The following NMBR variants were observed in gnomAD, a reference collection of about 807,000 sequenced individuals.
NMBR encodes neuromedin-B receptor.
A neutral mutation model predicts 20.5 loss-of-function variants in NMBR; 16 were observed. The observed-to-expected ratio is 0.78, with a 90% confidence interval of 0.53 to 1.19. The LOEUF is 1.19. NMBR is among the 50% of genes most tolerant of loss of function. The pLI is 0.00. For synonymous variants in NMBR, 212 were observed against 196.6 expected (o/e 1.08, Z -0.65); for missense variants, 582 against 499.1 (o/e 1.17, Z -1.58).
At chr6:142,083,210 T>A (rs116556084) in intron 2 of NMBR, among the ~76,000 whole-genome samples, 3,058 of 152,252 alleles carry the variant, frequency 0.02, 75 homozygotes, top group South Asian at 0.068. Flanking sequence ...ATAAGCCCCA[T>A]AAATTCAAAT....
At chr6:142,118,980 T>C (rs930752869) in intron 1 of NMBR, among the ~76,000 whole-genome samples, 5 of 151,984 alleles carry the variant, frequency 3.3e-5, no homozygotes, top group African/African-American at 1.2e-4. Flanking sequence ...TAAAGAAATG[T>C]GGAAGGCAGG....
At position 142,105,166 on chromosome 6, in the gene NMBR, C is replaced by A. The variant is rs188683224; in HGVS notation, c.-663-15845G>T. Among the ~76,000 whole-genome samples the A allele has an allele frequency of 6.8e-3, 1,029 of 152,028 alleles. 17 individuals are homozygous for A. The highest frequency in any genetic ancestry group is 0.024 in the African/African-American group (995 of 41,468). ...CGGGGAGGGGGTATTTTCACAAAGTCAGTTGGTCAGTTAGGGTGGGGCAGG... is the reference window on the plus strand; with the variant it reads ...CGGGGAGGGGGTATTTTCACAAAGTAAGTTGGTCAGTTAGGGTGGGGCAGG... On this transcript the variant is annotated intron_variant, in intron 1 of 3. Coordinates refer to ENST00000258042, the MANE Select transcript of NMBR (RefSeq NM_002511.4).
rs1202027843 is a variant in NMBR at position 142,088,473 on chromosome 6, G to A, written c.186C>T (p.Ile62=). 2 of 1,613,990 alleles carry A rather than the reference G, an allele frequency of 1.2e-6. No individual in the cohort carries two copies. Among genetic ancestry groups the A allele is most frequent in the South Asian group, 1.1e-5 (1 of 91,076 alleles). The change falls in exon 2 of 4, where the codon ATC becomes ATT. Residue 62 remains isoleucine (I), a synonymous_variant. Transcript: ENST00000258042. ...LIITVGLLGN[I]MLVKIFITNS... ...TGGTGATGAAGATCTTCACCAGCAT[G>A]ATGTTGCCCAGCAAGCCCACGGTGA...
chr6:142,084,571 G>T (rs1163716414), intron 2 of NMBR, among the ~76,000 whole-genome samples: 1 of 152,026 alleles, frequency 6.6e-6, no homozygotes, highest in Non-Finnish European at 1.5e-5. Flanking sequence ...CCACAATAAA[G>T]AATTGATATC....
At chr6:142,085,538 T>C (rs1393561084) in intron 2 of NMBR, among the ~76,000 whole-genome samples, 3 of 152,100 alleles carry the variant, frequency 2.0e-5, no homozygotes, top group Middle Eastern at 3.4e-3. Context: ...AAATAAAATA[T>C]AATAATAATC....
rs1026286781 is a variant in NMBR, at chr6:142,133,942, T to C, written c.-664+13102A>G. 11 of 702,508 alleles carry C rather than the reference T, an allele frequency of 1.6e-5. No homozygotes were observed. In the African/African-American group the frequency reaches 1.7e-4, roughly 11 times the overall value. The allele number at this position is 702,508 out of a possible 1,614,324, so 43.5% of individuals were successfully genotyped here. On this transcript the variant is annotated intron_variant, in intron 1 of 3. Coordinates refer to ENST00000258042, the MANE Select transcript of NMBR (RefSeq NM_002511.4). ...TCGGGGTGCTAGGCTTTGCAGTTTA[T>C]GGGAATGAGGCCTTGCACTTCATTT...
At chr6:142,143,751 T>C (rs225620) in intron 1 of NMBR, among the ~76,000 whole-genome samples, 61,244 of 150,362 alleles carry the variant, frequency 0.41, 12,985 homozygotes, top group Middle Eastern at 0.58. Context: ...ATACAGGAGA[T>C]GTAGAATAGC....
At chr6:142,134,921 G>T in intron 1 of NMBR, 2 of 549,914 alleles carry the variant, frequency 3.6e-6, no homozygotes, top group South Asian at 5.3e-5. Flanking sequence ...TTCAGACAAT[G>T]ACCAAATAAT....
chr6:142,106,716 CA>C (rs1777668112), intron 1 of NMBR, among the ~76,000 whole-genome samples: 1 of 152,058 alleles, frequency 6.6e-6, no homozygotes, highest in Non-Finnish European at 1.5e-5. Context: ...TTAGGTGAAA[CA>C]AAAAGAATTG....
At chr6:142,133,338 T>G (rs1778179526) in intron 1 of NMBR, 4 of 410,740 alleles carry the variant, frequency 9.7e-6, no homozygotes, top group Non-Finnish European at 1.7e-5. Flanking sequence ...CAAAATATTC[T>G]GAATTTAAAA....
intron 1 of NMBR, among the ~76,000 whole-genome samples, chr6:142,117,186 C>G (rs1777870638): frequency 6.6e-6 from 1 of 151,776 alleles, no homozygotes; most frequent in Admixed American, 6.6e-5. Flanking sequence ...ACATATAGAG[C>G]TAGAGAAATC....
At chr6:142,104,506 AT>A (rs1380359990) in intron 1 of NMBR, among the ~76,000 whole-genome samples, 4 of 152,200 alleles carry the variant, frequency 2.6e-5, no homozygotes, top group African/African-American at 9.7e-5. Flanking sequence ...CTGAAATTTG[AT>A]TTTGGAAAGC....
At chr6:142,121,762 C>T (rs60625734) in intron 1 of NMBR, among the ~76,000 whole-genome samples, 5,384 of 151,930 alleles carry the variant, frequency 0.035, 315 homozygotes, top group African/African-American at 0.12. Context: ...CCACTCTACA[C>T]TATGTTACAC....
chr6:142,123,209 C>G (rs1777974749), intron 1 of NMBR, among the ~76,000 whole-genome samples: 1 of 151,776 alleles, frequency 6.6e-6, no homozygotes, highest in African/African-American at 2.4e-5. Context: ...TTCAAGACTG[C>G]AGTAGAGGAA....
intron 1 of NMBR, among the ~76,000 whole-genome samples, chr6:142,112,828 G>T (rs369532260): frequency 9.9e-5 from 15 of 151,732 alleles, no homozygotes; most frequent in African/African-American, 3.4e-4. Context: ...TGTCATGTCA[G>T]AAAAAGAATT....
chr6:142,141,231 A>G (rs990227186), intron 1 of NMBR, among the ~76,000 whole-genome samples: 9 of 152,204 alleles, frequency 5.9e-5, no homozygotes, highest in African/African-American at 1.7e-4. Flanking sequence ...TCTGGTCACA[A>G]TGGAATTAAA....
At position 142,088,990 on chromosome 6, in the gene NMBR, A is replaced by G; in HGVS notation, c.-332T>C. 1 of 209,850 alleles carries G rather than the reference A, an allele frequency of 4.8e-6. No homozygotes were observed. The highest frequency in any genetic ancestry group is 1.0e-4 in the East Asian group (1 of 9,670). 13.0% of individuals were successfully genotyped at this position (209,850 alleles called of 1,614,324 possible). A position where few individuals can be genotyped will look rare whatever the true frequency, so the allele number is the denominator to read the frequency against. On this transcript the variant is annotated 5_prime_UTR_variant, in exon 2 of 4. Coordinates refer to ENST00000258042, the MANE Select transcript of NMBR (RefSeq NM_002511.4). ...GTTATCTAGCGGAAAACAGCCTTTCAGGAACAAGGAGCTGTCCCTTGGGGA... is the reference window on the plus strand; with the variant it reads ...GTTATCTAGCGGAAAACAGCCTTTCGGGAACAAGGAGCTGTCCCTTGGGGA...
At chr6:142,117,603 T>C (rs1356661312) in intron 1 of NMBR, among the ~76,000 whole-genome samples, 2 of 152,074 alleles carry the variant, frequency 1.3e-5, no homozygotes, top group Middle Eastern at 3.4e-3. Context: ...ATTCTAATGA[T>C]AGCCCAGCAA....
chr6:142,115,703 C>A (rs1173650456), intron 1 of NMBR, among the ~76,000 whole-genome samples: 1 of 151,944 alleles, frequency 6.6e-6, no homozygotes, highest in African/African-American at 2.4e-5. Flanking sequence ...TCTTTCTTCC[C>A]GTGAACAATA....
Sources: allele counts gnomAD v4.1 joint callset (sites outside exome capture counted in the v4.1 genomes callset), GRCh38; gene constraint gnomAD v4.1.1; transcripts MANE v1.5; gene names NCBI Gene and HGNC (gene_info 2026-07-23, HGNC 2026-07-21).